BNC2: variants seen among roughly 807,000 people sequenced by gnomAD.
BNC2 encodes the protein zinc finger protein basonuclin-2.
In BNC2, 20 loss-of-function variants were observed where a neutral mutation model predicts 76.3. The ratio of observed to expected loss-of-function variants is 0.26; its 90% CI spans 0.18 to 0.38. The LOEUF (loss-of-function observed/expected upper bound fraction) is 0.38. BNC2 is among the 10% of genes least tolerant of loss of function. The pLI is 1.00. For synonymous variants in BNC2, 582 were observed against 514.8 expected (o/e 1.13, Z -1.77); for missense variants, 1,382 against 1,399.8 (o/e 0.99, Z 0.20).
chr9:16,649,513 G>T (rs1563879842), intron 3 of BNC2, among the ~76,000 whole-genome samples: 1 of 152,170 alleles, frequency 6.6e-6, no homozygotes, highest in Non-Finnish European at 1.5e-5. Flanking sequence ...CTTACAATTA[G>T]AGACAGAAAA....
chr9:16,678,561 G>A (rs893481400), intron 3 of BNC2, among the ~76,000 whole-genome samples: 5 of 151,450 alleles, frequency 3.3e-5, no homozygotes, highest in African/African-American at 1.2e-4. Context: ...ACCGCGCCTG[G>A]CCATGTATCT....
At chr9:16,555,426 C>T (rs533995514) in intron 4 of BNC2, among the ~76,000 whole-genome samples, 156 of 152,254 alleles carry the variant, frequency 1.0e-3, no homozygotes, top group African/African-American at 3.6e-3. Flanking sequence ...CCTAGATATG[C>T]TTTCGAGAAC....
At chr9:16,590,086 C>T (rs997295457) in intron 3 of BNC2, among the ~76,000 whole-genome samples, 4 of 151,712 alleles carry the variant, frequency 2.6e-5, no homozygotes, top group Non-Finnish European at 4.4e-5. Context: ...TGGCAAAACC[C>T]GGTCTCTACA....
At chr9:16,592,030 A>C (rs1819942804) in intron 3 of BNC2, among the ~76,000 whole-genome samples, 1 of 152,164 alleles carries the variant, frequency 6.6e-6, no homozygotes, top group African/African-American at 2.4e-5. Context: ...ACTCACTAAA[A>C]GGCCAGGTAC....
chr9:16,821,822 G>A (rs947369883), intron 1 of BNC2, among the ~76,000 whole-genome samples: 8 of 152,050 alleles, frequency 5.3e-5, no homozygotes, highest in Non-Finnish European at 8.8e-5. Context: ...GGCTGGGCAC[G>A]GTGGGTAATG....
At chr9:16,700,329 G>A (rs531041217) in intron 3 of BNC2, among the ~76,000 whole-genome samples, 6 of 152,104 alleles carry the variant, frequency 3.9e-5, no homozygotes, top group Non-Finnish European at 5.9e-5. Context: ...GAGGAGGACT[G>A]CTTGAGGTCT....
intron 1 of BNC2, among the ~76,000 whole-genome samples, chr9:16,743,862 G>A (rs1209305640): frequency 1.3e-5 from 2 of 152,024 alleles, no homozygotes; most frequent in Non-Finnish European, 2.9e-5. Flanking sequence ...ATACCCCAGG[G>A]GAAAAACCTA....
chr9:16,823,095 G>C (rs1225102090), intron 1 of BNC2, among the ~76,000 whole-genome samples: 1 of 151,974 alleles, frequency 6.6e-6, no homozygotes, highest in East Asian at 1.9e-4. Context: ...CTTCATACTA[G>C]GAAATTGAGC....
rs191788555 is a variant in BNC2, at chr9:16,712,802, G to A, written c.330+14995C>T. Among the ~76,000 whole-genome samples, 20 of 152,332 alleles carry A rather than the reference G, an allele frequency of 1.3e-4. No homozygotes were observed. In the East Asian group the frequency reaches 3.9e-3, roughly 29 times the overall value. The stretch of plus-strand genomic sequence containing the variant: ...CTCAGTCTAATACATCCAGTTAACT[G>A]CTACAGTAGCATTATCATCACTGAG... On this transcript the variant is annotated intron_variant, in intron 3 of 6. Transcript: ENST00000380672.
intron 5 of BNC2, among the ~76,000 whole-genome samples, chr9:16,481,858 G>C (rs986675827): frequency 7.2e-5 from 11 of 152,216 alleles, no homozygotes; most frequent in African/African-American, 2.7e-4. Context: ...AAGAATATGT[G>C]TGATCTTAGA....
chr9:16,622,273 T>C (rs1030076191), intron 3 of BNC2, among the ~76,000 whole-genome samples: 2 of 152,146 alleles, frequency 1.3e-5, no homozygotes, highest in African/African-American at 4.8e-5. Context: ...AATAGGAAAA[T>C]AGGTTTTATT....
chr9:16,727,554 A>G (rs564214114), intron 3 of BNC2: 41 of 521,014 alleles, frequency 7.9e-5, no homozygotes, highest in African/African-American at 6.7e-4. Flanking sequence ...CTTTTCAACA[A>G]TGTCTCTGCT....
chr9:16,777,572 G>A (rs1230801379), intron 1 of BNC2, among the ~76,000 whole-genome samples: 14 of 151,770 alleles, frequency 9.2e-5, no homozygotes, highest in Admixed American at 9.2e-4. Flanking sequence ...ATGGTGGCGG[G>A]TGCCTGTAGT....
At chr9:16,472,258 C>T (rs915554175) in intron 5 of BNC2, among the ~76,000 whole-genome samples, 1 of 152,220 alleles carries the variant, frequency 6.6e-6, no homozygotes, top group Non-Finnish European at 1.5e-5. Flanking sequence ...CATCTTACTT[C>T]TCCTTCCCCT....
At chr9:16,721,173 AC>A (rs1824146012) in intron 3 of BNC2, among the ~76,000 whole-genome samples, 1 of 152,010 alleles carries the variant, frequency 6.6e-6, no homozygotes, top group African/African-American at 2.4e-5. Context: ...AACTTCTTAG[AC>A]CTTGAGCTGC....
rs376163090 is a variant in BNC2 at position 16,758,768 on chromosome 9, T to A, written c.4-20283A>T. ...TTCTACACTGAGAATTAATAGCATT[T>A]CTAATTATCTGGTATTTAAAAATCT... On this transcript the variant is annotated intron_variant, in intron 1 of 6. Coordinates refer to ENST00000380672, the MANE Select transcript of BNC2 (RefSeq NM_017637.6). 3.0e-4 allele frequency among the ~76,000 whole-genome samples: 46 copies of A among 152,332 alleles called. No homozygotes were observed. The South Asian group carries it at 9.3e-3, about 31-fold the overall frequency.
chr9:16,818,197 A>G (rs201708332), intron 1 of BNC2, among the ~76,000 whole-genome samples: 3 of 152,112 alleles, frequency 2.0e-5, no homozygotes, highest in Non-Finnish European at 4.4e-5. Context: ...GAGGTCAGGA[A>G]ATCAAGACCA....
At chr9:16,699,238 T>A in intron 3 of BNC2, 1 of 470,046 alleles carries the variant, frequency 2.1e-6, no homozygotes, top group Non-Finnish European at 4.4e-6. Flanking sequence ...ACCTAAATAA[T>A]GCAACAAAAA....
chr9:16,691,086 T>C (rs961086826), intron 3 of BNC2, among the ~76,000 whole-genome samples: 5 of 152,126 alleles, frequency 3.3e-5, no homozygotes, highest in Non-Finnish European at 7.4e-5. Flanking sequence ...AAATATGGGA[T>C]AAAAGGTAAA....
Sources: gnomAD v4.1 joint callset for allele counts (sites outside exome capture counted in the v4.1 genomes callset) on GRCh38, gnomAD v4.1.1 for gene constraint, MANE v1.5 for transcripts, NCBI Gene and HGNC (gene_info 2026-07-23, HGNC 2026-07-21) for gene names.